GPRC5C: variants seen among roughly 807,000 people sequenced by gnomAD.
GPRC5C encodes G protein-coupled receptor family C group 5 member C.
GPRC5C carries 22 observed loss-of-function variants against 31.4 expected under a neutral mutation model. The ratio of observed to expected loss-of-function variants is 0.70; its 90% CI spans 0.50 to 1.00. The LOEUF (loss-of-function observed/expected upper bound fraction) is 1.00, where lower values mean the gene tolerates loss of function less well. GPRC5C is among the 50% of genes least tolerant of loss of function. The pLI is 0.00. For missense variants in GPRC5C, 557 were observed against 597.2 expected, an observed-to-expected ratio of 0.93 and a Z score of 0.70; for synonymous variants, 249 against 257.5, an observed-to-expected ratio of 0.97 and a Z score of 0.32.
chr17:74,443,330 C>T (rs1178462712), intron 2 of GPRC5C: 4 of 265,328 alleles, frequency 1.5e-5, no homozygotes, highest in African/African-American at 2.3e-5. Context: ...GGGGAAGGGG[C>T]GCCCAGGTCG....
intron 1 of GPRC5C, among the ~76,000 whole-genome samples, chr17:74,433,067 C>T (rs1409716654): frequency 6.6e-6 from 1 of 152,068 alleles, no homozygotes; most frequent in Non-Finnish European, 1.5e-5. Context: ...TCCCGAACCC[C>T]CACTCCCGGC....
Position 74,439,929 on chromosome 17 carries a change from C to T in GPRC5C, c.153C>T (p.Ile51=), listed in dbSNP as rs757465758. 7.4e-6 allele frequency: 12 copies of T among 1,611,966 alleles called. No individual in the cohort carries two copies. In the Admixed American group the frequency reaches 8.3e-5, roughly 11 times the overall value. ...GTGACCGCTCTGGGGCGTGGGGCAT[C>T]GTCCTGGAGGCCGTGGCTGGGGCGG... ...NLCDRSGAWG[I]VLEAVAGAGI... The change falls in exon 2 of 4, where the codon ATC becomes ATT. Residue 51 remains isoleucine (I), a synonymous_variant. Transcript: ENST00000392627.
downstream of GPRC5C, chr17:74,448,838 C>G: frequency 7.8e-7 from 1 of 1,287,812 alleles, no homozygotes; most frequent in Non-Finnish European, 1.0e-6. Flanking sequence ...CGAACTGACC[C>G]AGAGAGGCCA....
intron 1 of GPRC5C, among the ~76,000 whole-genome samples, chr17:74,437,629 AT>A (rs57390968): frequency 0.01 from 1,334 of 129,386 alleles, 11 homozygotes; most frequent in Non-Finnish European, 0.012. Context: ...TATGGACAGA[AT>A]TTTTTTTTTT....
intron 1 of GPRC5C, 165 bp downstream of exon 1, chr17:74,432,306 C>T (rs780876328): frequency 4.3e-5 from 63 of 1,450,830 alleles, no homozygotes; most frequent in Non-Finnish European, 5.3e-5. Context: ...TGCCTGGGGA[C>T]AGGCCCGCGC....
chr17:74,441,883 G>A (rs886856377), intron 2 of GPRC5C, among the ~76,000 whole-genome samples: 4 of 151,848 alleles, frequency 2.6e-5, no homozygotes, highest in African/African-American at 4.8e-5. Context: ...CTGTGTGTGC[G>A]TGTCTATTAT....
rs114303085 is a variant in GPRC5C at position 74,433,711 on chromosome 17, A to G, written c.-33+1570A>G. ...TGGTATCCCTGGGGGAACCTCCCTG[A>G]AGAGTGCCCTGGTCACAGCACCCTT... On this transcript the variant is annotated intron_variant, in intron 1 of 3. Coordinates refer to ENST00000392627, the MANE Select transcript of GPRC5C (RefSeq NM_022036.4). The G allele has an allele frequency of 3.5e-3, 5,573 of 1,613,344 alleles. 171 individuals are homozygous for G. In the African/African-American group the frequency reaches 0.065, roughly 19 times the overall value.
chr17:74,443,743 T>G, intron 2 of GPRC5C, 75 bp from the exon 3 acceptor site: 1 of 1,102,574 alleles, frequency 9.1e-7, no homozygotes, highest in Non-Finnish European at 1.4e-6. Flanking sequence ...CAGAGAGCCT[T>G]GCTTGGTTTG....
At chr17:74,443,733 CAG>C in intron 2 of GPRC5C, 83 bp from the exon 3 acceptor site, 1 of 1,052,080 alleles carries the variant, frequency 9.5e-7, no homozygotes, top group Non-Finnish European at 1.5e-6. Context: ...TCCCTGCCCC[CAG>C]AGAGCCTTGC....
At chr17:74,435,337 G>A (rs538825407) in intron 1 of GPRC5C, among the ~76,000 whole-genome samples, 1 of 152,384 alleles carries the variant, frequency 6.6e-6, no homozygotes, top group East Asian at 1.9e-4. Context: ...GGCAGTGGAT[G>A]AGAGCCACGC....
Position 74,440,773 on chromosome 17 carries a change from G to T in GPRC5C, c.997G>T (p.Gly333Cys). Reference sequence around the variant, plus strand: ...TGAGACCATCCTGAAAGAGCAGAAGGGTCAGAGCATGTTCGTGGAGAACAA... The same window carrying T: ...TGAGACCATCCTGAAAGAGCAGAAGTGTCAGAGCATGTTCGTGGAGAACAA... ...GYETILKEQKGQSMFVENKAF... is the reference protein window; with the variant it reads ...GYETILKEQKCQSMFVENKAF... Residue 333 changes from glycine to cysteine, a missense_variant, in exon 2 of 4, where the codon GGT (glycine) becomes TGT (cysteine). Transcript: ENST00000392627. This position sits in a 1 kb window ranked among gnomAD's most constrained non-coding sequence, Gnocchi z 4.4. The T allele has an allele frequency of 1.9e-6, 3 of 1,561,730 alleles. No individual in the cohort carries two copies. The highest frequency in any genetic ancestry group is 2.6e-6 in the Non-Finnish European group (3 of 1,147,340).
At chr17:74,433,869 G>C in intron 1 of GPRC5C, 1 of 844,832 alleles carries the variant, frequency 1.2e-6, no homozygotes. Flanking sequence ...GATGATGCTG[G>C]AGCGAGGAAG....
At chr17:74,439,589 CAG>C (rs1567958781) in intron 1 of GPRC5C, among the ~76,000 whole-genome samples, 154 bp from the exon 2 acceptor site, 1 of 152,222 alleles carries the variant, frequency 6.6e-6, no homozygotes, top group Non-Finnish European at 1.5e-5. Flanking sequence ...AAATGCCTCT[CAG>C]GGGTTCTATG....
At chr17:74,437,012 G>A (rs1042898270) in intron 1 of GPRC5C, among the ~76,000 whole-genome samples, 7 of 151,998 alleles carry the variant, frequency 4.6e-5, no homozygotes, top group Non-Finnish European at 7.4e-5. Context: ...GCGCAATCTC[G>A]GCTCACTGCA....
At chr17:74,439,717 AT>A (rs758166186) in intron 1 of GPRC5C, 27 bp from the exon 2 acceptor site, 3 of 1,567,694 alleles carry the variant, frequency 1.9e-6, no homozygotes, top group Non-Finnish European at 2.6e-6. Context: ...TGGAGGACTA[AT>A]TTTGTCCCTT....
chr17:74,439,533 A>T (rs1198878393), intron 1 of GPRC5C, among the ~76,000 whole-genome samples: 1 of 152,232 alleles, frequency 6.6e-6, no homozygotes, highest in African/African-American at 2.4e-5. Context: ...GGCTAGGAAT[A>T]GGGCTGACAA....
chr17:74,446,611 A>G, intron 3 of GPRC5C: 1 of 534,112 alleles, frequency 1.9e-6, no homozygotes, highest in Non-Finnish European at 3.4e-6. Context: ...GTGAAGCCCC[A>G]GCACCATCCA....
chr17:74,443,966 C>T, intron 3 of GPRC5C, 54 bp downstream of exon 3: 1 of 1,238,912 alleles, frequency 8.1e-7, no homozygotes, highest in Non-Finnish European at 1.2e-6. Flanking sequence ...AGACCAGCCT[C>T]AGCAGGCCAG....
downstream of GPRC5C, among the ~76,000 whole-genome samples, chr17:74,447,633 G>A (rs2055662616): frequency 6.6e-6 from 1 of 152,196 alleles, no homozygotes; most frequent in Non-Finnish European, 1.5e-5. Flanking sequence ...TCTGTATTGT[G>A]TGCGATCAGA....
Sources: gnomAD v4.1 joint callset for allele counts (sites outside exome capture counted in the v4.1 genomes callset) on GRCh38, gnomAD v4.1.1 for gene constraint, Gnocchi (gnomAD v3.1) non-coding constraint, MANE v1.5 for transcripts, NCBI Gene and HGNC (gene_info 2026-07-23, HGNC 2026-07-21) for gene names.